The following RBFOX1 variants were observed in gnomAD, a reference collection of about 807,000 sequenced individuals.
RBFOX1 encodes RNA binding fox-1 homolog 1.
Under a neutral mutation model 57.7 loss-of-function variants are expected in RBFOX1, and 8 were observed. The observed-to-expected ratio is 0.14, with a 90% CI of 0.08 to 0.25. The LOEUF is 0.25. Ranked by LOEUF, RBFOX1 falls within the 10% of genes least tolerant of loss-of-function variation. RBFOX1 has a pLI of 1.00. For missense variants in RBFOX1, 611 were observed against 548.5 expected, an observed-to-expected ratio of 1.11 and a Z score of -1.14; for synonymous variants, 326 against 222.4, an observed-to-expected ratio of 1.47 and a Z score of -4.15.
intron 4 of RBFOX1, among the ~76,000 whole-genome samples, chr16:7,062,893 A>ATCTTT (rs2054871960): frequency 2.1e-5 from 1 of 47,256 alleles, no homozygotes; most frequent in Non-Finnish European, 3.8e-5. Context: ...AATGATCGCC[A>ATCTTT]TTTTTTTTTT....
chr16:7,605,233 A>G (rs1056894765), intron 9 of RBFOX1, among the ~76,000 whole-genome samples: 1 of 152,206 alleles, frequency 6.6e-6, no homozygotes, highest in Non-Finnish European at 1.5e-5. Context: ...CATAAAACAC[A>G]TTCTGAAATG....
chr16:6,842,018 C>T (rs1182939613), intron 3 of RBFOX1, among the ~76,000 whole-genome samples: 1 of 151,706 alleles, frequency 6.6e-6, no homozygotes, highest in African/African-American at 2.4e-5. Context: ...TGGCGGGCGC[C>T]TGTAGTCCCA....
At chr16:6,905,681 A>T (rs1026277764) in intron 3 of RBFOX1, among the ~76,000 whole-genome samples, 4 of 152,192 alleles carry the variant, frequency 2.6e-5, no homozygotes, top group Non-Finnish European at 5.9e-5. Context: ...AAAAGGGGAA[A>T]AAAAGACAGT....
rs186547786 is a variant in RBFOX1 at position 6,391,174 on chromosome 16, C to G, written c.-64+74117C>G. Among the ~76,000 whole-genome samples, 51 of 152,212 alleles carry G rather than the reference C, an allele frequency of 3.4e-4. 1 individual carries two copies. Among genetic ancestry groups the G allele is most frequent in the Middle Eastern group, 3.4e-3 (1 of 294 alleles). On this transcript the variant is annotated intron_variant, in intron 2 of 15. Coordinates refer to ENST00000550418, the MANE Select transcript of RBFOX1 (RefSeq NM_018723.4). The stretch of plus-strand genomic sequence containing the variant: ...TGCCTGCAAGAAGTTTGAGTTTATT[C>G]TAGGATCCATGGAAAGCCACTGAAA...
intron 3 of RBFOX1, among the ~76,000 whole-genome samples, chr16:6,708,089 C>T (rs1223730705): frequency 6.6e-6 from 1 of 152,078 alleles, no homozygotes; most frequent in African/African-American, 2.4e-5. Context: ...TAGAAGAAGC[C>T]ACAGTGAACA....
Position 5,747,243 on chromosome 16 carries a change from C to T in RBFOX1, c.319-120060C>T, listed in dbSNP as rs146321892. 7.2e-5 allele frequency among the ~76,000 whole-genome samples: 11 copies of T among 152,282 alleles called. 1 individual carries two copies. The highest frequency in any genetic ancestry group is 2.4e-4 in the African/African-American group (10 of 41,562). On this transcript the variant is annotated intron_variant, in intron 3 of 19. Transcript: ENST00000641259. Reference sequence around the variant, plus strand: ...ATCCCAGGGTTGAAGCCCACTTGATCATGGTGGATAAGCTTTGTGATGTGC... The same window carrying T: ...ATCCCAGGGTTGAAGCCCACTTGATTATGGTGGATAAGCTTTGTGATGTGC...
intron 4 of RBFOX1, among the ~76,000 whole-genome samples, chr16:7,221,443 T>A (rs552245292): frequency 4.7e-4 from 71 of 152,258 alleles, no homozygotes; most frequent in Non-Finnish European, 8.2e-4. Context: ...CTTGGCTCAC[T>A]GCAACCTCTC....
At chr16:5,798,426 G>T (rs1392536796) in intron 3 of RBFOX1, among the ~76,000 whole-genome samples, 2 of 152,168 alleles carry the variant, frequency 1.3e-5, no homozygotes, top group East Asian at 3.9e-4. Flanking sequence ...GGATGAAAGG[G>T]TTTATTTCCC....
chr16:6,549,103 G>T, intron 2 of RBFOX1, among the ~76,000 whole-genome samples: 1 of 114,388 alleles, frequency 8.7e-6, no homozygotes. Flanking sequence ...AGAGGAGGCG[G>T]GGAGGAAAGA....
intron 2 of RBFOX1, among the ~76,000 whole-genome samples, chr16:5,472,634 G>T (rs1449424830): frequency 6.6e-6 from 1 of 152,102 alleles, no homozygotes; most frequent in Admixed American, 6.5e-5. Flanking sequence ...CTGCCCTCCT[G>T]GACTGGGTCT....
intron 3 of RBFOX1, among the ~76,000 whole-genome samples, chr16:7,008,509 C>T (rs1200246762): frequency 1.3e-5 from 2 of 152,040 alleles, no homozygotes; most frequent in Non-Finnish European, 2.9e-5. Flanking sequence ...CACTGCACTC[C>T]AGCCTGGGTG....
intron 2 of RBFOX1, among the ~76,000 whole-genome samples, chr16:5,597,499 A>T (rs1036968078): frequency 2.7e-5 from 4 of 149,012 alleles, no homozygotes; most frequent in African/African-American, 9.9e-5. Flanking sequence ...TCCCAGGTTC[A>T]AGCGATTCTC....
chr16:6,420,658 G>C (rs953916495), intron 2 of RBFOX1, among the ~76,000 whole-genome samples: 10 of 152,122 alleles, frequency 6.6e-5, no homozygotes, highest in Non-Finnish European at 1.5e-5. Context: ...TAGTGTATTG[G>C]TGTTTGCTCA....
chr16:6,521,205 C>T lies in RBFOX1; in HGVS notation c.-63-133398C>T, dbSNP rs1184682986. On this transcript the variant is annotated intron_variant, in intron 2 of 15. Coordinates refer to ENST00000550418, the MANE Select transcript of RBFOX1 (RefSeq NM_018723.4). The stretch of plus-strand genomic sequence containing the variant: ...ACAATGGGTATTGCTTAAATTATAG[C>T]AAATAGACATTATGACAGGGAAGCC... 7.9e-5 allele frequency among the ~76,000 whole-genome samples: 12 copies of T among 152,088 alleles called. No homozygotes were observed. In the South Asian group the frequency reaches 2.3e-3, roughly 29 times the overall value.
At chr16:5,555,678 G>A (rs1188331434) in intron 2 of RBFOX1, among the ~76,000 whole-genome samples, 1 of 151,996 alleles carries the variant, frequency 6.6e-6, no homozygotes, top group Non-Finnish European at 1.5e-5. Flanking sequence ...GAGGATTGAG[G>A]GCAGAGACGG....
chr16:6,211,108 G>T (rs1220218053), intron 1 of RBFOX1, among the ~76,000 whole-genome samples: 1 of 129,900 alleles, frequency 7.7e-6, no homozygotes, highest in African/African-American at 2.5e-5. Flanking sequence ...TTACTCCAGG[G>T]GATGTGGCCT....
chr16:6,951,510 T>A (rs1249066154), intron 3 of RBFOX1, among the ~76,000 whole-genome samples: 2 of 152,170 alleles, frequency 1.3e-5, no homozygotes, highest in Non-Finnish European at 2.9e-5. Flanking sequence ...TACTCATAAG[T>A]CTGGCCTGGG....
chr16:6,209,043 G>A (rs1390058749), intron 1 of RBFOX1, among the ~76,000 whole-genome samples: 2 of 152,140 alleles, frequency 1.3e-5, no homozygotes, highest in African/African-American at 2.4e-5. Flanking sequence ...TTTTGAAAAT[G>A]TTTGTGTTAT....
At chr16:5,646,884 C>T (rs1417717429) in intron 3 of RBFOX1, among the ~76,000 whole-genome samples, 1 of 152,116 alleles carries the variant, frequency 6.6e-6, no homozygotes, top group Non-Finnish European at 1.5e-5. Context: ...CTGCCTGCCT[C>T]AGCCTCCCAA....
Sources: gnomAD v4.1 joint callset for allele counts (sites outside exome capture counted in the v4.1 genomes callset) on GRCh38, gnomAD v4.1.1 for gene constraint, MANE v1.5 for transcripts, NCBI Gene and HGNC (gene_info 2026-07-23, HGNC 2026-07-21) for gene names.